Variants in CHAT observed in about 807,000 individuals in gnomAD.
The protein encoded by CHAT is acetyl CoA:choline O-acetyltransferase.
A neutral mutation model predicts 76.9 loss-of-function variants in CHAT; 61 were observed. That is an observed-to-expected ratio of 0.79 (90% CI 0.65 to 0.98). CHAT has a LOEUF of 0.98. CHAT is among the 50% of genes least tolerant of loss of function. CHAT has a pLI of 0.00. For synonymous variants in CHAT, 407 were observed against 397.4 expected, an observed-to-expected ratio of 1.02 and a Z score of -0.29; for missense variants, 946 against 986.9, an observed-to-expected ratio of 0.96 and a Z score of 0.56.
chr10:49,613,642 G>A (rs903243965), upstream of CHAT, among the ~76,000 whole-genome samples: 6 of 152,196 alleles, frequency 3.9e-5, no homozygotes, highest in East Asian at 1.2e-3. Context: ...TGCCTTTGTC[G>A]GTCTGTCTGT....
At chr10:49,621,973 A>C in intron 4 of CHAT, 124 bp from the exon 5 acceptor site, 2 of 997,932 alleles carry the variant, frequency 2.0e-6, no homozygotes, top group Admixed American at 1.8e-5. Flanking sequence ...GGAGGGAGGG[A>C]GAAGGGAGGG....
At chr10:49,662,339 C>T (rs138946912) in intron 13 of CHAT, among the ~76,000 whole-genome samples, 6 of 152,182 alleles carry the variant, frequency 3.9e-5, no homozygotes, top group Middle Eastern at 3.2e-3. Context: ...GAGAACCAGG[C>T]GGATATAGTT....
intron 6 of CHAT, among the ~76,000 whole-genome samples, chr10:49,627,260 AT>A (rs1838955042): frequency 6.6e-6 from 1 of 152,250 alleles, no homozygotes; most frequent in African/African-American, 2.4e-5. Flanking sequence ...TATAAGTGCA[AT>A]TGCTTAGTCA....
chr10:49,649,773 C>A, intron 10 of CHAT, 137 bp downstream of exon 10: 1 of 864,314 alleles, frequency 1.2e-6, no homozygotes, highest in African/African-American at 1.7e-5. Context: ...TCGTCCCCAT[C>A]CCTCATGTAG....
rs985746770 is a variant in CHAT, at chr10:49,625,662, C to T, written c.933+9C>T. ...TAGCCTGCTGCAATCAGGTAAGCAA[C>T]CCCTTGTCTTGGTGAGGGAGGGCAC... On this transcript the variant is annotated intron_variant, in intron 6 of 14. Coordinates refer to ENST00000337653, the MANE Select transcript of CHAT (RefSeq NM_020549.5). The T allele has an allele frequency of 1.3e-6, 2 of 1,560,296 alleles. No homozygotes were observed. The highest frequency in any genetic ancestry group is 2.7e-5 in the African/African-American group (2 of 73,708).
chr10:49,654,985 A>G (rs1839986519), intron 11 of CHAT, 110 bp from the exon 12 acceptor site: 4 of 1,133,858 alleles, frequency 3.5e-6, no homozygotes, highest in Non-Finnish European at 5.4e-6. Flanking sequence ...TATTCTGCCA[A>G]GTCAAGTCAG....
chr10:49,649,441 C>T, intron 9 of CHAT, 67 bp from the exon 10 acceptor site: 3 of 1,610,250 alleles, frequency 1.9e-6, no homozygotes, highest in Non-Finnish European at 2.5e-6. Flanking sequence ...TTGCACAGAG[C>T]AAAGAAGAGA....
intron 1 of CHAT, 24 bp downstream of exon 1, chr10:49,614,499 C>A (rs1172316258): frequency 6.2e-6 from 9 of 1,445,376 alleles, no homozygotes; most frequent in Middle Eastern, 2.6e-4. Context: ...CTGGGCTGGG[C>A]TGGCGGAGCG....
At chr10:49,611,923 G>A, upstream of CHAT, 1 of 1,612,428 alleles carries the variant, frequency 6.2e-7, no homozygotes, top group Non-Finnish European at 8.5e-7. Flanking sequence ...TTTTGGCATA[G>A]CCCTAGTCGA....
Position 49,648,582 on chromosome 10 carries a change from T to C in CHAT, c.1357T>C (p.Cys453Arg). The C allele has an allele frequency of 3.7e-6, 6 of 1,613,460 alleles. No individual in the cohort carries two copies. Among genetic ancestry groups the C allele is most frequent in the Non-Finnish European group, 5.1e-6 (6 of 1,179,528 alleles). The stretch of plus-strand genomic sequence containing the variant: ...ATTCGATGGCATCGTCCTGGTGCAG[T>C]GCACTGAGCATCTGCTCAAGCACGT... ...SPFDGIVLVQ[C>R]TEHLLKHVTQ... Residue 453 changes from cysteine to arginine, a missense_variant, in exon 9 of 15, where the codon TGC (cysteine) becomes CGC (arginine). Physicochemically the swap from Cys to Arg is radical, Grantham distance 180 (BLOSUM62 -3). Transcript: ENST00000337653.
chr10:49,655,015 G>A, intron 11 of CHAT, 80 bp from the exon 12 acceptor site: 1 of 1,476,198 alleles, frequency 6.8e-7, no homozygotes, highest in Non-Finnish European at 9.5e-7. Context: ...AATAAAGCTT[G>A]CTGAGGCAAT....
At position 49,622,209 on chromosome 10, in the gene CHAT, T is replaced by G. The variant is rs1590566691; in HGVS notation, c.752+59T>G. On this transcript the variant is annotated intron_variant, in intron 5 of 14. Coordinates refer to ENST00000337653, the MANE Select transcript of CHAT (RefSeq NM_020549.5). ...CAGTCTGCCTATGCGTCTATCTCCC[T>G]TGCAGGGACCTTGTCTTTTTCCAGC... is the stretch of plus-strand genomic sequence containing the variant. 1.9e-6 allele frequency: 3 copies of G among 1,549,176 alleles called. No individual in the cohort carries two copies. The East Asian group carries it at 6.7e-5, about 35-fold the overall frequency.
chr10:49,649,677 A>T (rs1590611559), intron 10 of CHAT, 41 bp downstream of exon 10: 1 of 1,612,032 alleles, frequency 6.2e-7, no homozygotes, highest in Admixed American at 1.7e-5. Flanking sequence ...TCCCCTAGGG[A>T]CCACCCCGCC....
chr10:49,627,493 C>T (rs1375254226), intron 6 of CHAT, 115 bp from the exon 7 acceptor site: 1 of 1,088,234 alleles, frequency 9.2e-7, no homozygotes, highest in Admixed American at 1.7e-5. Context: ...CACCAAACAC[C>T]TTGGGAACCT....
At chr10:49,635,842 G>GA (rs1238433741) in intron 7 of CHAT, among the ~76,000 whole-genome samples, 2 of 151,960 alleles carry the variant, frequency 1.3e-5, no homozygotes, top group Non-Finnish European at 1.5e-5. Context: ...GTGAAAGACT[G>GA]AATGCTTTCC....
At chr10:49,623,759 C>T (rs372040685) in intron 5 of CHAT, among the ~76,000 whole-genome samples, 42 of 152,324 alleles carry the variant, frequency 2.8e-4, no homozygotes, top group African/African-American at 1.0e-3. Context: ...GTTGGTGAGT[C>T]TGGGAACCTA....
chr10:49,648,726 TACACACACAC>T (rs10580502), intron 9 of CHAT, 119 bp downstream of exon 9: 100 of 584,112 alleles, frequency 1.7e-4, no homozygotes, highest in East Asian at 3.3e-4. Flanking sequence ...ATGTGTACTA[TACACACACAC>T]ACACACACAC....
chr10:49,614,213 G>C lies in CHAT; in HGVS notation c.24G>C (p.Lys8Asn). The C allele has an allele frequency of 3.3e-6, 5 of 1,516,414 alleles. No individual in the cohort carries two copies. Among genetic ancestry groups the C allele is most frequent in the Non-Finnish European group, 4.5e-6 (5 of 1,120,514 alleles). 93.9% of individuals were successfully genotyped at this position (1,516,414 alleles called of 1,614,324 possible). The change falls in exon 1 of 15, where the codon AAG becomes AAC. Residue 8 changes from lysine (K) to asparagine (N), a missense_variant. Physicochemically the swap from Lys to Asn is moderately conservative, Grantham distance 94. This residue lies in a region of CHAT where 548 missense variants were observed against 516.2 expected (regional missense o/e 1.06). Transcript: ENST00000337653. Reference sequence around the variant, plus strand: ...GGATGGGGCTGAGGACAGCGAAGAAGAGGGGGCTTGGGGGAGGGGGGAAAT... The same window carrying C: ...GGATGGGGCTGAGGACAGCGAAGAACAGGGGGCTTGGGGGAGGGGGGAAAT... MGLRTAK[K>N]RGLGGGGKWK...
upstream of CHAT, chr10:49,612,400 C>A: frequency 6.7e-7 from 1 of 1,498,510 alleles, no homozygotes; most frequent in Non-Finnish European, 9.0e-7. Flanking sequence ...GCTCTGCAAG[C>A]CCACTGGCCA....
Sources: allele counts gnomAD v4.1 joint callset (sites outside exome capture counted in the v4.1 genomes callset), GRCh38; gene constraint gnomAD v4.1.1; regional missense constraint gnomAD v4.1.1; transcripts MANE v1.5; gene names NCBI Gene and HGNC (gene_info 2026-07-23, HGNC 2026-07-21).